HIVEP2: variants seen among roughly 807,000 people sequenced by gnomAD.
HIVEP2 encodes the protein HIVEP zinc finger 2, also known as transcription factor HIVEP2.
HIVEP2 carries 14 observed loss-of-function variants against 180.7 expected under a neutral mutation model. The ratio of observed to expected loss-of-function variants is 0.08; its 90% CI spans 0.05 to 0.12. The LOEUF is 0.12. Among genes scored for constraint, HIVEP2 ranks in the 10% least tolerant of loss-of-function variants. HIVEP2 has a pLI of 1.00. For missense variants in HIVEP2, 2,579 were observed against 3,008.5 expected (o/e 0.86, Z 3.34); for synonymous variants, 1,184 against 1,136.4 (o/e 1.04, Z -0.84).
intron 2 of HIVEP2, among the ~76,000 whole-genome samples, chr6:142,828,938 T>C (rs995277599): frequency 2.6e-5 from 4 of 152,172 alleles, no homozygotes; most frequent in Non-Finnish European, 2.9e-5. Flanking sequence ...CCAAAGCCTA[T>C]AGAATATTCA....
chr6:142,903,833 C>T (rs899973631), intron 1 of HIVEP2, among the ~76,000 whole-genome samples: 7 of 151,656 alleles, frequency 4.6e-5, no homozygotes, highest in Admixed American at 3.3e-4. Context: ...TGCTTTATTG[C>T]TAATGATTGC....
chr6:142,810,732 C>T (rs1245749034), intron 2 of HIVEP2, among the ~76,000 whole-genome samples: 4 of 143,240 alleles, frequency 2.8e-5, no homozygotes, highest in Middle Eastern at 3.4e-3. Context: ...ACTGCACTAC[C>T]GCCTGGGCAA....
intron 1 of HIVEP2, among the ~76,000 whole-genome samples, chr6:142,913,983 ATAT>A (rs1168894294): frequency 6.6e-6 from 1 of 152,110 alleles, no homozygotes; most frequent in African/African-American, 2.4e-5. Context: ...GAGCCCTGAA[ATAT>A]TATCAGGCTC....
intron 7 of HIVEP2, among the ~76,000 whole-genome samples, chr6:142,762,487 CACACACAT>C (rs770775393): frequency 0.16 from 17,576 of 108,862 alleles, 1,076 homozygotes; most frequent in Middle Eastern, 0.21. Context: ...CACACACACA[CACACACAT>C]ACATATAAAT....
chr6:142,758,933 C>A (rs1775147763), intron 9 of HIVEP2, among the ~76,000 whole-genome samples: 1 of 152,138 alleles, frequency 6.6e-6, no homozygotes, highest in Admixed American at 6.5e-5. Flanking sequence ...CCGAGTGTGT[C>A]ATTCTCTCCT....
intron 1 of HIVEP2, among the ~76,000 whole-genome samples, chr6:142,935,869 TAAAC>T (rs939596706): frequency 9.9e-5 from 15 of 152,186 alleles, no homozygotes; most frequent in African/African-American, 3.1e-4. Flanking sequence ...ATAATTCACT[TAAAC>T]AAGATTAAAA....
chr6:142,837,814 T>A (rs1226709909), intron 1 of HIVEP2, among the ~76,000 whole-genome samples: 4 of 152,212 alleles, frequency 2.6e-5, no homozygotes, highest in Non-Finnish European at 5.9e-5. Context: ...GCTAGAGGGT[T>A]GAGCAGAAGA....
At chr6:142,799,192 A>G (rs77922755) in intron 2 of HIVEP2, among the ~76,000 whole-genome samples, 1 of 152,326 alleles carries the variant, frequency 6.6e-6, no homozygotes, top group East Asian at 1.9e-4. Flanking sequence ...AACTGTTCTT[A>G]ATGTATTTCA....
chr6:142,880,077 C>T (rs1489425671), intron 1 of HIVEP2, among the ~76,000 whole-genome samples: 3 of 152,162 alleles, frequency 2.0e-5, no homozygotes, highest in East Asian at 1.9e-4. Flanking sequence ...CTTTTCTTGG[C>T]GTCCACCTAC....
intron 2 of HIVEP2, among the ~76,000 whole-genome samples, chr6:142,786,061 T>C (rs983967563): frequency 4.6e-5 from 7 of 152,230 alleles, no homozygotes; most frequent in African/African-American, 1.4e-4. Context: ...GAAATGGAGA[T>C]ATGGAGATGC....
chr6:142,774,583 A>C lies in HIVEP2; in HGVS notation c.156T>G (p.Pro52=). Residue 52 remains proline (P), a synonymous_variant, in exon 5 of 10, where the codon CCT becomes CCG. Coordinates refer to ENST00000367603, the MANE Select transcript of HIVEP2 (RefSeq NM_006734.4). The surrounding 1 kb of genome is among the most constrained non-coding windows in gnomAD (Gnocchi z 5.1). ...CTGATGCTGTGTTTCCGATTTGCTC[A>C]GGCTCTATTTGTGGTTGCCGCTGTC... ...HEGQRQPQIE[P]EQIGNTASAQ... The C allele has an allele frequency of 6.2e-7, 1 of 1,614,206 alleles. No individual in the cohort carries two copies. Among genetic ancestry groups the C allele is most frequent in the African/African-American group, 1.3e-5 (1 of 75,060 alleles).
intron 1 of HIVEP2, among the ~76,000 whole-genome samples, chr6:142,920,825 T>A (rs776023130): frequency 6.6e-6 from 1 of 151,920 alleles, no homozygotes; most frequent in Non-Finnish European, 1.5e-5. Context: ...CTACAAAAAA[T>A]TTAAAAAATT....
At chr6:142,756,977 G>A (rs1443807470) in intron 9 of HIVEP2, among the ~76,000 whole-genome samples, 1 of 152,164 alleles carries the variant, frequency 6.6e-6, no homozygotes, top group African/African-American at 2.4e-5. Flanking sequence ...CTGGTATATA[G>A]ATGTATATAT....
chr6:142,803,909 C>T (rs1046540380), intron 2 of HIVEP2, among the ~76,000 whole-genome samples: 2 of 152,158 alleles, frequency 1.3e-5, no homozygotes, highest in Non-Finnish European at 2.9e-5. Context: ...ACCAAATCAT[C>T]TCATTTTCAT....
chr6:142,873,777 T>C (rs566529262), intron 1 of HIVEP2, among the ~76,000 whole-genome samples: 1 of 152,254 alleles, frequency 6.6e-6, no homozygotes, highest in East Asian at 1.9e-4. Flanking sequence ...AATAATAAAT[T>C]AACATATTCA....
intron 2 of HIVEP2, among the ~76,000 whole-genome samples, chr6:142,784,257 C>T (rs986510901): frequency 6.6e-6 from 1 of 151,964 alleles, no homozygotes; most frequent in African/African-American, 2.4e-5. Flanking sequence ...TATAAAAGAC[C>T]TACTTAAAAA....
At position 142,774,414 on chromosome 6, in the gene HIVEP2, C is replaced by G. The variant is rs1554277297; in HGVS notation, c.325G>C (p.Val109Leu). 1 of 1,614,146 alleles carries G rather than the reference C, an allele frequency of 6.2e-7. No homozygotes were observed. The highest frequency in any genetic ancestry group is 8.5e-7 in the Non-Finnish European group (1 of 1,180,028). Residue 109 changes from valine to leucine, a missense_variant, in exon 5 of 10, where the codon GTC (valine) becomes CTC (leucine). Coordinates refer to ENST00000367603, the MANE Select transcript of HIVEP2 (RefSeq NM_006734.4). The surrounding 1 kb of genome is among the most constrained non-coding windows in gnomAD (Gnocchi z 5.1). ...TGATGTGGCTTGGTGCTGTGCATGA[C>G]CCCCTGTGGCAATGAGTGCTGAGGG... ...SFPQHSLPQG[V>L]MHSTKPHQSL... is the part of the protein sequence containing the mutation.
At chr6:142,930,572 T>C (rs890543965) in intron 1 of HIVEP2, among the ~76,000 whole-genome samples, 4 of 152,176 alleles carry the variant, frequency 2.6e-5, no homozygotes, top group African/African-American at 9.7e-5. Context: ...TTCATTCACT[T>C]CTCTGGACAA....
rs777118927 is a variant in HIVEP2 at position 142,772,663 on chromosome 6, A to G, written c.2076T>C (p.Cys692=). 3.9e-5 allele frequency: 63 copies of G among 1,613,958 alleles called. No homozygotes were observed. Among genetic ancestry groups the G allele is most frequent in the Non-Finnish European group, 4.8e-5 (57 of 1,180,020 alleles). The change falls in exon 5 of 10, where the codon TGT becomes TGC. Residue 692 remains cysteine, a synonymous_variant. Transcript: ENST00000367603. This position sits in a 1 kb window ranked among gnomAD's most constrained non-coding sequence, Gnocchi z 4.9. ...QGVPSMFGTT[C]ENRKRRKEKS... ...TCTCTTTCCGGCGTTTCCTGTTTTC[A>G]CAGGTAGTTCCAAACATGCTTGGTA...
Sources: gnomAD v4.1 joint callset for allele counts (sites outside exome capture counted in the v4.1 genomes callset) on GRCh38, gnomAD v4.1.1 for gene constraint, Gnocchi (gnomAD v3.1) non-coding constraint, MANE v1.5 for transcripts, NCBI Gene and HGNC (gene_info 2026-07-23, HGNC 2026-07-21) for gene names.